The following ATCAY variants were observed in gnomAD, a reference collection of about 807,000 sequenced individuals.
ATCAY encodes ATCAY kinesin light chain interacting caytaxin.
In ATCAY, 22 loss-of-function variants were observed where a neutral mutation model predicts 47.7. The ratio of observed to expected loss-of-function variants is 0.46; its 90% CI spans 0.33 to 0.66. The LOEUF (loss-of-function observed/expected upper bound fraction) is 0.66, where lower values mean the gene tolerates loss of function less well. Ranked by LOEUF, ATCAY falls within the 30% of genes least tolerant of loss-of-function variation. The pLI is 0.02. For missense variants in ATCAY, 452 were observed against 515.0 expected, an observed-to-expected ratio of 0.88 and a Z score of 1.18; for synonymous variants, 216 against 207.6, an observed-to-expected ratio of 1.04 and a Z score of -0.35.
At chr19:3,922,162 C>G (rs2039026613) in intron 12 of ATCAY, 2 of 702,316 alleles carry the variant, frequency 2.8e-6, no homozygotes, top group African/African-American at 3.5e-5. Context: ...TTCTTAGCCT[C>G]CAGCCCCTGC....
At chr19:3,923,265 G>A (rs1308528415) in intron 12 of ATCAY, among the ~76,000 whole-genome samples, 3 of 152,152 alleles carry the variant, frequency 2.0e-5, no homozygotes, top group African/African-American at 7.2e-5. Context: ...AAAACACAAG[G>A]AAATCATCCA....
intron 2 of ATCAY, among the ~76,000 whole-genome samples, chr19:3,902,155 A>T (rs10411265): frequency 0.14 from 21,912 of 151,676 alleles, 3,729 homozygotes; most frequent in African/African-American, 0.41. Context: ...TCTACAAAAA[A>T]CCAAAAAACT....
chr19:3,921,880 G>T (rs1209497371), intron 12 of ATCAY, among the ~76,000 whole-genome samples: 1 of 149,602 alleles, frequency 6.7e-6, no homozygotes, highest in Non-Finnish European at 1.5e-5. Context: ...CTGGGCAACA[G>T]AGCAAGACTC....
rs182727307 is a variant in ATCAY, at chr19:3,898,266, C to T, written c.78-4221C>T. 3.1e-3 allele frequency among the ~76,000 whole-genome samples: 469 copies of T among 152,198 alleles called. 2 individuals are homozygous for T. The highest frequency in any genetic ancestry group is 9.7e-3 in the African/African-American group (401 of 41,522). ...GTGGTGCAATCATAGCTCACTGCAGCCTCGACCTCCCAAGTTAGAGCAATC... is the reference window on the plus strand; with the variant it reads ...GTGGTGCAATCATAGCTCACTGCAGTCTCGACCTCCCAAGTTAGAGCAATC... On this transcript the variant is annotated intron_variant, in intron 2 of 12. Coordinates refer to ENST00000450849, the MANE Select transcript of ATCAY (RefSeq NM_033064.5).
chr19:3,908,259 T>A lies in ATCAY; in HGVS notation c.545-9T>A. 1 of 1,567,644 alleles carries A rather than the reference T, an allele frequency of 6.4e-7. No individual in the cohort carries two copies. The highest frequency in any genetic ancestry group is 8.6e-7 in the Non-Finnish European group (1 of 1,156,072). On this transcript the variant is annotated splice_polypyrimidine_tract_variant and intron_variant, in intron 5 of 12. Transcript: ENST00000450849. ...ACTCTGACGTTGCCGATCGGCTGCCTCTCCTCAGGGTACTACGGCGAAGGC... is the reference window on the plus strand; with the variant it reads ...ACTCTGACGTTGCCGATCGGCTGCCACTCCTCAGGGTACTACGGCGAAGGC...
chr19:3,924,265 ATGGATGGG>A (rs1401138338), intron 12 of ATCAY, among the ~76,000 whole-genome samples: 1 of 150,772 alleles, frequency 6.6e-6, no homozygotes, highest in Non-Finnish European at 1.5e-5. Context: ...GGATGGATGG[ATGGATGGG>A]TGGATGGATA....
chr19:3,924,548 C>T, intron 12 of ATCAY, 35 bp from the exon 13 acceptor site: 1 of 1,613,564 alleles, frequency 6.2e-7, no homozygotes, highest in Middle Eastern at 1.6e-4. Context: ...TTAACATTAA[C>T]AGCAATAACT....
At chr19:3,916,477 C>CTGTTT (rs961371218) in intron 9 of ATCAY, among the ~76,000 whole-genome samples, 1 of 152,030 alleles carries the variant, frequency 6.6e-6, no homozygotes, top group Non-Finnish European at 1.5e-5. Context: ...AACCACCATA[C>CTGTTT]TGTTTTGTTT....
At chr19:3,892,264 G>A (rs1599279068) in intron 2 of ATCAY, among the ~76,000 whole-genome samples, 1 of 151,224 alleles carries the variant, frequency 6.6e-6, no homozygotes, top group East Asian at 1.9e-4. Flanking sequence ...GTGCAGTGGT[G>A]CGATCATAGC....
intron 1 of ATCAY, among the ~76,000 whole-genome samples, chr19:3,884,802 A>G (rs2145218222): frequency 6.6e-6 from 1 of 152,154 alleles, no homozygotes; most frequent in South Asian, 2.1e-4. Context: ...GTGATGGTTC[A>G]ATAAGAAGTG....
At chr19:3,919,444 T>G (rs2038996864) in intron 11 of ATCAY, among the ~76,000 whole-genome samples, 1 of 151,612 alleles carries the variant, frequency 6.6e-6, no homozygotes, top group Non-Finnish European at 1.5e-5. Context: ...ATACAAAAAT[T>G]AGCTGGGCAT....
chr19:3,890,224 C>CATTG (rs2038703503), intron 2 of ATCAY, among the ~76,000 whole-genome samples: 1 of 140,756 alleles, frequency 7.1e-6, no homozygotes, highest in Non-Finnish European at 1.5e-5. Context: ...AGGTGTGAGC[C>CATTG]ATTGGGCCCA....
At chr19:3,921,149 G>T (rs922060777) in intron 12 of ATCAY, among the ~76,000 whole-genome samples, 2 of 152,280 alleles carry the variant, frequency 1.3e-5, no homozygotes, top group South Asian at 4.1e-4. Context: ...CCCAGGATAT[G>T]ATACCACAAA....
At chr19:3,898,793 T>G (rs2038790353) in intron 2 of ATCAY, among the ~76,000 whole-genome samples, 3 of 152,142 alleles carry the variant, frequency 2.0e-5, no homozygotes, top group African/African-American at 7.2e-5. Flanking sequence ...GTGATCCTCT[T>G]GCCTCAGCCT....
intron 3 of ATCAY, among the ~76,000 whole-genome samples, chr19:3,905,123 G>A (rs1229759480): frequency 6.6e-6 from 1 of 152,190 alleles, no homozygotes; most frequent in Non-Finnish European, 1.5e-5. Flanking sequence ...CCTCCAAAGT[G>A]CTGGGATTAC....
rs2038870208 is a variant in ATCAY at position 3,907,328 on chromosome 19, C to G, written c.359-406C>G. Among the ~76,000 whole-genome samples the G allele has an allele frequency of 6.6e-6, 1 of 152,024 alleles. No individual in the cohort carries two copies. Among genetic ancestry groups the G allele is most frequent in the Non-Finnish European group, 1.5e-5 (1 of 68,008 alleles). On this transcript the variant is annotated intron_variant, in intron 4 of 12. Transcript: ENST00000450849. This position sits in a 1 kb window ranked among gnomAD's most constrained non-coding sequence, Gnocchi z 5.1. ...GTGTGGTGGTGCACAACTGTAGTCC[C>G]AGGTATCTGGGAGGCTGAGGCAGGA...
intron 1 of ATCAY, 127 bp from the exon 2 acceptor site, chr19:3,885,600 G>C (rs996304067): frequency 5.1e-6 from 3 of 583,914 alleles, no homozygotes; most frequent in Admixed American, 5.7e-5. Flanking sequence ...GGAGAAAGGA[G>C]AGAGGGGGAG....
Position 3,885,826 on chromosome 19 carries a change from A to C in ATCAY, c.59A>C (p.Gln20Pro). The change falls in exon 2 of 13, where the codon CAG becomes CCG. Residue 20 changes from glutamine to proline, a missense_variant. Physicochemically the swap from Gln to Pro is moderately conservative, Grantham distance 76. Transcript: ENST00000450849. ...AACGTGGACGTGAAGGAGGAATGGC[A>C]GGACGAAGATCTTCCCAGGTAGGAC... The part of the protein sequence containing the change: ...MENVDVKEEW[Q>P]DEDLPRPLPE... The C allele has an allele frequency of 1.9e-6, 3 of 1,552,348 alleles. No homozygotes were observed. The highest frequency in any genetic ancestry group is 2.6e-6 in the Non-Finnish European group (3 of 1,147,762).
intron 12 of ATCAY, among the ~76,000 whole-genome samples, chr19:3,922,712 G>T (rs1234519050): frequency 1.3e-5 from 2 of 152,120 alleles, no homozygotes; most frequent in Non-Finnish European, 2.9e-5. Context: ...ATTTATCCTT[G>T]ACCACACAGT....
Sources: allele counts gnomAD v4.1 joint callset (sites outside exome capture counted in the v4.1 genomes callset), GRCh38; gene constraint gnomAD v4.1.1; non-coding constraint Gnocchi (gnomAD v3.1); transcripts MANE v1.5; gene names NCBI Gene and HGNC (gene_info 2026-07-23, HGNC 2026-07-21).